FAM118B: variants seen among roughly 807,000 people sequenced by gnomAD.
FAM118B encodes the protein SIR2 antiphage like 1.
In FAM118B, 24 loss-of-function variants were observed where a neutral mutation model predicts 38.5. The ratio of observed to expected loss-of-function variants is 0.62; its 90% CI spans 0.45 to 0.88. The LOEUF is 0.88. Among genes scored for constraint, FAM118B ranks in the 40% least tolerant of loss-of-function variants. The probability of loss-of-function intolerance (pLI) is 0.00; values close to 1 mark genes in which losing one functional copy is unlikely to be tolerated. For synonymous variants in FAM118B, 138 were observed against 156.3 expected (o/e 0.88, Z 0.87); for missense variants, 334 against 420.0 (o/e 0.80, Z 1.79).
intron 1 of FAM118B, among the ~76,000 whole-genome samples, chr11:126,214,779 A>G (rs888288258): frequency 3.9e-5 from 6 of 152,174 alleles, no homozygotes; most frequent in African/African-American, 1.4e-4. Flanking sequence ...CCATATAAAG[A>G]AGAACTTGAT....
At chr11:126,260,774 A>C (rs539867429) in intron 7 of FAM118B, 2 of 152,074 alleles carry the variant, frequency 1.3e-5, no homozygotes, top group Non-Finnish European at 2.9e-5. Context: ...TCTAATGACT[A>C]TTTTCTTCCA....
chr11:126,212,690 A>T (rs1476171670), intron 1 of FAM118B, among the ~76,000 whole-genome samples: 2 of 152,208 alleles, frequency 1.3e-5, no homozygotes, highest in Non-Finnish European at 2.9e-5. Context: ...CTGCCTGAGG[A>T]GTTATTAGAG....
intron 1 of FAM118B, among the ~76,000 whole-genome samples, chr11:126,214,852 C>G (rs1949958511): frequency 6.6e-6 from 1 of 152,062 alleles, no homozygotes; most frequent in Non-Finnish European, 1.5e-5. Flanking sequence ...TAGTATTTCG[C>G]AAATATAAAC....
Position 126,262,444 on chromosome 11 carries a change from C to T in FAM118B, c.*311C>T, listed in dbSNP as rs993760364. 11 of 381,238 alleles carry T rather than the reference C, an allele frequency of 2.9e-5. No homozygotes were observed. The highest frequency in any genetic ancestry group is 1.2e-4 in the South Asian group (2 of 16,990). 23.6% of individuals were successfully genotyped at this position (381,238 alleles called of 1,614,324 possible). On this transcript the variant is annotated 3_prime_UTR_variant, in exon 9 of 9. Transcript: ENST00000533050. Reference sequence around the variant, plus strand: ...ACACCAATGTGATACTTCCACTGACCGGCTGCAGCTCTGCATGAAGGACTC... The same window carrying T: ...ACACCAATGTGATACTTCCACTGACTGGCTGCAGCTCTGCATGAAGGACTC...
Position 126,262,445 on chromosome 11 carries a change from G to A in FAM118B, c.*312G>A, listed in dbSNP as rs1950720711. The stretch of plus-strand genomic sequence containing the variant: ...CACCAATGTGATACTTCCACTGACC[G>A]GCTGCAGCTCTGCATGAAGGACTCG... On this transcript the variant is annotated 3_prime_UTR_variant, in exon 9 of 9. Coordinates refer to ENST00000533050, the MANE Select transcript of FAM118B (RefSeq NM_024556.4). 1.0e-5 allele frequency: 4 copies of A among 382,790 alleles called. No homozygotes were observed. The highest frequency in any genetic ancestry group is 2.1e-5 in the African/African-American group (1 of 48,452). 23.7% of individuals were successfully genotyped at this position (382,790 alleles called of 1,614,324 possible).
rs11320787 is a variant in FAM118B at position 126,226,950 on chromosome 11, C to CA, written c.-76-2260dup. ...GCCTGGGCAACAGTGAGACCCCGTC[C>CA]AAAAAAAAAAAAAAACACCTAGCTA... On this transcript the variant is annotated intron_variant, in intron 1 of 8. Coordinates refer to ENST00000533050, the MANE Select transcript of FAM118B (RefSeq NM_024556.4). 6.9e-3 allele frequency among the ~76,000 whole-genome samples: 838 copies of CA among 121,500 alleles called. 4 individuals carry two copies. Among genetic ancestry groups the CA allele is most frequent in the South Asian group, 0.017 (65 of 3,858 alleles). The allele number at this position is 121,500 out of a possible 152,430, so 79.7% of individuals were successfully genotyped here.
chr11:126,211,997 C>T (rs1416684478), intron 1 of FAM118B, among the ~76,000 whole-genome samples, 167 bp downstream of exon 1: 1 of 152,244 alleles, frequency 6.6e-6, no homozygotes, highest in African/African-American at 2.4e-5. Context: ...CCCCGCGCCC[C>T]CTTAGGAGCG....
chr11:126,229,678 C>A (rs35063253), intron 2 of FAM118B, among the ~76,000 whole-genome samples: 1 of 152,060 alleles, frequency 6.6e-6, no homozygotes, highest in African/African-American at 2.4e-5. Context: ...CCTGACCTCA[C>A]GATCCACCCA....
intron 3 of FAM118B, among the ~76,000 whole-genome samples, chr11:126,237,494 T>C (rs1950291973): frequency 6.9e-6 from 1 of 144,446 alleles, no homozygotes; most frequent in South Asian, 2.2e-4. Context: ...TGCCTTGGCC[T>C]CCCAAAGTGC....
rs1950451361 is a variant in FAM118B at position 126,248,520 on chromosome 11, C to T, written c.340-1986C>T. On this transcript the variant is annotated intron_variant, in intron 4 of 8. Transcript: ENST00000533050. ...CGAGTAGCTGGCACTACAGGCACCA[C>T]CACCACGCCCAGCTAATTTTTTTAT... 3.3e-5 allele frequency among the ~76,000 whole-genome samples: 5 copies of T among 151,826 alleles called. No individual in the cohort carries two copies. The South Asian group carries it at 1.0e-3, about 32-fold the overall frequency.
At chr11:126,224,663 T>G (rs1950115458) in intron 1 of FAM118B, among the ~76,000 whole-genome samples, 1 of 152,116 alleles carries the variant, frequency 6.6e-6, no homozygotes, top group Admixed American at 6.5e-5. Context: ...CATGGAAACC[T>G]GTACAGATAC....
chr11:126,230,498 T>C (rs1950194320), intron 2 of FAM118B, among the ~76,000 whole-genome samples: 1 of 152,242 alleles, frequency 6.6e-6, no homozygotes, highest in Non-Finnish European at 1.5e-5. Flanking sequence ...CATTCTTTAT[T>C]CCAGTCACTT....
intron 3 of FAM118B, among the ~76,000 whole-genome samples, chr11:126,239,832 T>C (rs1489203397): frequency 6.6e-6 from 1 of 152,136 alleles, no homozygotes; most frequent in Non-Finnish European, 1.5e-5. Flanking sequence ...TCATATTTGT[T>C]GAATGACTGA....
Position 126,223,574 on chromosome 11 carries a change from C to T in FAM118B, c.-76-5651C>T, listed in dbSNP as rs1391250311. On this transcript the variant is annotated intron_variant, in intron 1 of 8. Transcript: ENST00000533050. Reference sequence around the variant, plus strand: ...GATCGCCACTGCACTCCAGCCTGGGCGAAAGAGCGAAAAAAAAAAAAAAAA... The same window carrying T: ...GATCGCCACTGCACTCCAGCCTGGGTGAAAGAGCGAAAAAAAAAAAAAAAA... Among the ~76,000 whole-genome samples, 74 of 127,300 alleles carry T rather than the reference C, an allele frequency of 5.8e-4. 1 individual carries two copies. Among genetic ancestry groups the T allele is most frequent in the Non-Finnish European group, 1.1e-3 (67 of 62,918 alleles). 83.5% of individuals were successfully genotyped at this position (127,300 alleles called of 152,430 possible). A position where few individuals can be genotyped will look rare whatever the true frequency, so the allele number is the denominator to read the frequency against.
intron 4 of FAM118B, among the ~76,000 whole-genome samples, chr11:126,246,189 A>T (rs573392259): frequency 6.6e-6 from 1 of 152,258 alleles, no homozygotes; most frequent in Non-Finnish European, 1.5e-5. Context: ...GGTGAGATAG[A>T]AGTATTGCGA....
chr11:126,231,555 G>C (rs1950206775), intron 2 of FAM118B, among the ~76,000 whole-genome samples: 1 of 152,136 alleles, frequency 6.6e-6, no homozygotes, highest in Non-Finnish European at 1.5e-5. Context: ...AACAGGATGA[G>C]TATATGATTG....
chr11:126,227,950 C>G (rs879017904), intron 1 of FAM118B, among the ~76,000 whole-genome samples: 2 of 151,892 alleles, frequency 1.3e-5, no homozygotes, highest in Admixed American at 1.3e-4. Context: ...TAGGCATGCA[C>G]TACCACACCT....
chr11:126,256,761 G>T lies in FAM118B; in HGVS notation c.891G>T (p.Gly297=), dbSNP rs1179115222. The stretch of plus-strand genomic sequence containing the variant: ...TTCGAGAAAACATGCTGGACAAGGG[G>T]ATTAAAGTCATCTCCTATGGAGATG... ...KKLRENMLDK[G]IKVISYGDDY... is the part of the protein sequence containing the mutation. Residue 297 remains glycine, a synonymous_variant, in exon 7 of 9, where the codon GGG becomes GGT. Transcript: ENST00000533050. This position sits in a 1 kb window ranked among gnomAD's most constrained non-coding sequence, Gnocchi z 6.6. 6.2e-7 allele frequency: 1 copy of T among 1,614,006 alleles called. No individual in the cohort carries two copies. Among genetic ancestry groups the T allele is most frequent in the African/African-American group, 1.3e-5 (1 of 74,918 alleles).
At chr11:126,228,555 C>T (rs937544356) in intron 1 of FAM118B, among the ~76,000 whole-genome samples, 190 of 150,912 alleles carry the variant, frequency 1.3e-3, no homozygotes, top group African/African-American at 4.5e-3. Flanking sequence ...GTCAATTTTT[C>T]GTTTGTTTGT....
Sources: allele counts gnomAD v4.1 joint callset (sites outside exome capture counted in the v4.1 genomes callset), GRCh38; gene constraint gnomAD v4.1.1; non-coding constraint Gnocchi (gnomAD v3.1); transcripts MANE v1.5; gene names NCBI Gene and HGNC (gene_info 2026-07-23, HGNC 2026-07-21).